NDUFAF2: variants seen among roughly 807,000 people sequenced by gnomAD.
The protein encoded by NDUFAF2 is NADH dehydrogenase [ubiquinone] 1 alpha subcomplex assembly factor 2.
Under a neutral mutation model 22.8 loss-of-function variants are expected in NDUFAF2, and 13 were observed. That is an observed-to-expected ratio of 0.57 (90% confidence interval 0.37 to 0.91). The LOEUF (loss-of-function observed/expected upper bound fraction) is 0.91, where lower values mean the gene tolerates loss of function less well. NDUFAF2 is among the 40% of genes least tolerant of loss of function. The pLI is 0.01. For synonymous variants in NDUFAF2, 53 were observed against 64.2 expected, an observed-to-expected ratio of 0.83 and a Z score of 0.84; for missense variants, 162 against 195.2, an observed-to-expected ratio of 0.83 and a Z score of 1.01.
intron 2 of NDUFAF2, among the ~76,000 whole-genome samples, chr5:61,081,431 C>G (rs1345950658): frequency 6.6e-6 from 1 of 152,082 alleles, no homozygotes; most frequent in Non-Finnish European, 1.5e-5. Flanking sequence ...AATAATGATA[C>G]AAGCAAGGGA....
chr5:60,958,337 T>C (rs1750643375), intron 1 of NDUFAF2, among the ~76,000 whole-genome samples: 1 of 152,222 alleles, frequency 6.6e-6, no homozygotes, highest in South Asian at 2.1e-4. Flanking sequence ...ATAAAGGAAG[T>C]AAACATGAAT....
chr5:61,139,411 A>C (rs771343103), intron 3 of NDUFAF2, among the ~76,000 whole-genome samples: 8 of 152,238 alleles, frequency 5.3e-5, no homozygotes, highest in Non-Finnish European at 1.0e-4. Context: ...GCACTGTCAT[A>C]AGTTGAATCA....
At chr5:61,137,884 G>C (rs1420705385) in intron 3 of NDUFAF2, among the ~76,000 whole-genome samples, 1 of 152,264 alleles carries the variant, frequency 6.6e-6, no homozygotes, top group South Asian at 2.1e-4. Context: ...AGCCAATTTA[G>C]TAGGAAGCTC....
At chr5:61,095,364 C>A (rs1486042545) in intron 2 of NDUFAF2, among the ~76,000 whole-genome samples, 1 of 152,216 alleles carries the variant, frequency 6.6e-6, no homozygotes, top group African/African-American at 2.4e-5. Context: ...AAGATGGTGG[C>A]CCTTCCCTCC....
intron 1 of NDUFAF2, among the ~76,000 whole-genome samples, chr5:60,956,823 A>T (rs1437321736): frequency 6.6e-6 from 1 of 152,138 alleles, no homozygotes; most frequent in Non-Finnish European, 1.5e-5. Context: ...TTGGATTATC[A>T]GTGTGCCAAA....
At chr5:61,040,298 G>GCT (rs1561548671) in intron 1 of NDUFAF2, among the ~76,000 whole-genome samples, 1 of 149,520 alleles carries the variant, frequency 6.7e-6, no homozygotes, top group Non-Finnish European at 1.5e-5. Flanking sequence ...GCGCGCGCGC[G>GCT]CGCGAAAGTT....
chr5:61,078,416 A>G (rs1752396210), intron 2 of NDUFAF2, among the ~76,000 whole-genome samples: 1 of 152,142 alleles, frequency 6.6e-6, no homozygotes, highest in South Asian at 2.1e-4. Flanking sequence ...AAAGACATGG[A>G]ACAGTAGACC....
intron 3 of NDUFAF2, among the ~76,000 whole-genome samples, chr5:61,122,288 T>TA (rs1393369303): frequency 2.6e-5 from 4 of 152,288 alleles, no homozygotes; most frequent in Non-Finnish European, 5.9e-5. Context: ...ATGCACTCAC[T>TA]AAAGGTCATA....
chr5:60,986,055 G>A (rs1751070649), intron 1 of NDUFAF2, among the ~76,000 whole-genome samples: 1 of 152,206 alleles, frequency 6.6e-6, no homozygotes, highest in South Asian at 2.1e-4. Flanking sequence ...GGATTGTAAA[G>A]TAGTATAATC....
At chr5:60,993,167 G>T (rs1751183032) in intron 1 of NDUFAF2, among the ~76,000 whole-genome samples, 1 of 152,234 alleles carries the variant, frequency 6.6e-6, no homozygotes, top group Non-Finnish European at 1.5e-5. Flanking sequence ...GCAGCTCCAG[G>T]TGCAGCATGG....
At chr5:61,050,797 A>G (rs1752015532) in intron 1 of NDUFAF2, among the ~76,000 whole-genome samples, 1 of 152,228 alleles carries the variant, frequency 6.6e-6, no homozygotes, top group Non-Finnish European at 1.5e-5. Flanking sequence ...TGGAAGAATC[A>G]TTTAAAAGTC....
At chr5:61,044,464 G>A (rs1751922145) in intron 1 of NDUFAF2, among the ~76,000 whole-genome samples, 1 of 152,048 alleles carries the variant, frequency 6.6e-6, no homozygotes, top group African/African-American at 2.4e-5. Context: ...TTGCCTCTAG[G>A]ATTTTTACCA....
chr5:61,126,634 T>A (rs920249760), intron 3 of NDUFAF2, among the ~76,000 whole-genome samples: 1 of 152,104 alleles, frequency 6.6e-6, no homozygotes, highest in African/African-American at 2.4e-5. Context: ...CAGTACGTAT[T>A]TTCACACCAG....
chr5:60,952,587 G>A (rs907510160), intron 1 of NDUFAF2, among the ~76,000 whole-genome samples: 12 of 152,004 alleles, frequency 7.9e-5, no homozygotes, highest in African/African-American at 2.7e-4. Flanking sequence ...ATTGTAAATT[G>A]TTTTATGGCC....
chr5:61,093,370 C>T (rs1377647475), intron 2 of NDUFAF2, among the ~76,000 whole-genome samples: 1 of 152,136 alleles, frequency 6.6e-6, no homozygotes. Context: ...TAGCTTTTGC[C>T]CATTCCATAT....
chr5:61,134,894 A>G (rs1489617895), intron 3 of NDUFAF2, among the ~76,000 whole-genome samples: 3 of 152,224 alleles, frequency 2.0e-5, no homozygotes, highest in South Asian at 4.2e-4. Context: ...TACTCTTCTT[A>G]CTATCATTCC....
At chr5:61,058,935 CTT>C (rs1366848197) in intron 1 of NDUFAF2, among the ~76,000 whole-genome samples, 1 of 151,974 alleles carries the variant, frequency 6.6e-6, no homozygotes, top group Non-Finnish European at 1.5e-5. Flanking sequence ...TGGTTACCTT[CTT>C]TTGGAGAGTA....
At chr5:60,955,219 A>G (rs888776553) in intron 1 of NDUFAF2, among the ~76,000 whole-genome samples, 1 of 152,186 alleles carries the variant, frequency 6.6e-6, no homozygotes, top group African/African-American at 2.4e-5. Context: ...TGAAATCTTT[A>G]ATTCATATTG....
chr5:61,100,904 C>G (rs1023442494), intron 3 of NDUFAF2, among the ~76,000 whole-genome samples: 2 of 152,090 alleles, frequency 1.3e-5, no homozygotes, highest in African/African-American at 4.8e-5. Context: ...GCCAGTCTAC[C>G]TTACTGATGG....
Sources: gnomAD v4.1 joint callset for allele counts (sites outside exome capture counted in the v4.1 genomes callset) on GRCh38, gnomAD v4.1.1 for gene constraint, MANE v1.5 for transcripts, NCBI Gene and HGNC (gene_info 2026-07-23, HGNC 2026-07-21) for gene names.